SPIN1: variants seen among roughly 807,000 people sequenced by gnomAD.
The protein encoded by SPIN1 is spindlin-1.
SPIN1 carries 3 observed loss-of-function variants against 26.0 expected under a neutral mutation model. The observed-to-expected ratio is 0.12, with a 90% CI of 0.05 to 0.30. SPIN1 has a LOEUF of 0.30. SPIN1 is among the 10% of genes least tolerant of loss of function. The pLI, the probability that SPIN1 is intolerant of heterozygous loss-of-function variation, is 1.00. For missense variants in SPIN1, 126 were observed against 333.4 expected (o/e 0.38, Z 4.84); for synonymous variants, 101 against 116.5 (o/e 0.87, Z 0.86).
chr9:88,445,256 A>G (rs1165603629), intron 2 of SPIN1, among the ~76,000 whole-genome samples: 3 of 151,968 alleles, frequency 2.0e-5, no homozygotes, highest in African/African-American at 7.3e-5. Flanking sequence ...CTCTAAGCCC[A>G]GACATGCTCC....
intron 2 of SPIN1, among the ~76,000 whole-genome samples, chr9:88,427,274 A>G (rs891584168): frequency 1.3e-5 from 2 of 152,180 alleles, no homozygotes; most frequent in Non-Finnish European, 2.9e-5. Context: ...AATTATTAAT[A>G]GTACAAACTT....
intron 1 of SPIN1, among the ~76,000 whole-genome samples, chr9:88,411,663 A>G (rs1015160236): frequency 1.3e-5 from 2 of 151,960 alleles, no homozygotes; most frequent in Admixed American, 6.6e-5. Flanking sequence ...ACAGGTATGC[A>G]TCGGCATGCC....
rs1828715383 is a variant in SPIN1 at position 88,468,442 on chromosome 9, G to A, written c.426G>A (p.Glu142=). ...GCAAAGCAGTGGAACATATGTTTGA[G>A]ACAGAGGATGGTTCTAAAGATGAGT... ...MIGKAVEHMF[E]TEDGSKDEWR... Residue 142 remains glutamate, a synonymous_variant, in exon 5 of 6, where the codon GAG becomes GAA. Coordinates refer to ENST00000375859, the MANE Select transcript of SPIN1 (RefSeq NM_006717.3). The A allele has an allele frequency of 6.2e-7, 1 of 1,613,244 alleles. No homozygotes were observed. Among genetic ancestry groups the A allele is most frequent in the African/African-American group, 1.3e-5 (1 of 74,872 alleles).
intron 1 of SPIN1, among the ~76,000 whole-genome samples, chr9:88,409,698 C>T (rs562845587): frequency 1.5e-4 from 23 of 152,030 alleles, no homozygotes; most frequent in African/African-American, 5.3e-4. Flanking sequence ...ATTAGCTGGG[C>T]ATGGTGGCGG....
chr9:88,471,276 G>T (rs999929976), intron 5 of SPIN1, among the ~76,000 whole-genome samples: 3 of 151,890 alleles, frequency 2.0e-5, no homozygotes, highest in African/African-American at 4.8e-5. Flanking sequence ...TGTGGTTCAA[G>T]TTAAGGGTCC....
At chr9:88,389,181 C>T (rs1354189568) in intron 1 of SPIN1, among the ~76,000 whole-genome samples, 1 of 152,192 alleles carries the variant, frequency 6.6e-6, no homozygotes, top group Non-Finnish European at 1.5e-5. Flanking sequence ...GCCCGCGCAG[C>T]CCCTTTCCTG....
chr9:88,391,554 C>T (rs1826920030), intron 1 of SPIN1: 1 of 152,256 alleles, frequency 6.6e-6, no homozygotes, highest in African/African-American at 2.4e-5. Flanking sequence ...TTTTGCCATA[C>T]TTCCTTTCTG....
intron 1 of SPIN1, among the ~76,000 whole-genome samples, chr9:88,423,838 T>C (rs1452740344): frequency 1.3e-5 from 2 of 152,000 alleles, no homozygotes; most frequent in South Asian, 2.1e-4. Context: ...TGATCTTGGC[T>C]CACTACAACC....
At chr9:88,473,064 C>G (rs1484850504) in intron 5 of SPIN1, among the ~76,000 whole-genome samples, 2 of 152,134 alleles carry the variant, frequency 1.3e-5, no homozygotes, top group East Asian at 3.9e-4. Context: ...ATTTCCTCAT[C>G]TGGCCTTGAA....
chr9:88,430,060 CAA>C (rs1194955283), intron 2 of SPIN1, among the ~76,000 whole-genome samples: 1 of 152,212 alleles, frequency 6.6e-6, no homozygotes, highest in Non-Finnish European at 1.5e-5. Flanking sequence ...TTAGCATAGA[CAA>C]ATGCTCTGCT....
intron 1 of SPIN1, among the ~76,000 whole-genome samples, chr9:88,425,574 A>G (rs891019600): frequency 1.3e-5 from 2 of 151,180 alleles, no homozygotes; most frequent in Non-Finnish European, 2.9e-5. Context: ...GCTACTCCGG[A>G]GGCTGAGGCA....
chr9:88,408,429 G>GT (rs1268730813), intron 1 of SPIN1, among the ~76,000 whole-genome samples: 1 of 142,426 alleles, frequency 7.0e-6, no homozygotes, highest in African/African-American at 2.6e-5. Context: ...CCAGGCTGCA[G>GT]TGCAGTGGTG....
chr9:88,398,642 G>A (rs1004067126), intron 1 of SPIN1, among the ~76,000 whole-genome samples: 3 of 151,646 alleles, frequency 2.0e-5, no homozygotes, highest in African/African-American at 7.3e-5. Flanking sequence ...ATGGCGCGAT[G>A]TTGGCTCATC....
intron 5 of SPIN1, among the ~76,000 whole-genome samples, chr9:88,474,682 G>A (rs1293039991): frequency 6.6e-6 from 1 of 152,166 alleles, no homozygotes; most frequent in Non-Finnish European, 1.5e-5. Context: ...TCATTTAAGT[G>A]CAGCTACAGA....
intron 2 of SPIN1, among the ~76,000 whole-genome samples, chr9:88,442,951 C>A (rs1460306832): frequency 6.6e-6 from 1 of 151,624 alleles, no homozygotes; most frequent in Non-Finnish European, 1.5e-5. Context: ...GAAACCCTGT[C>A]TCTACTAAAA....
In SPIN1 at chr9:88,475,367, G is replaced by T; in HGVS notation, c.*90G>T. ...TTGATTGCTTTCCAGTTTAATGAAA[G>T]CTTAAATGTCCCTGCGAACCCACAA... is the stretch of plus-strand genomic sequence containing the variant. On this transcript the variant is annotated 3_prime_UTR_variant, in exon 6 of 6. Transcript: ENST00000375859. 2 of 1,354,458 alleles carry T rather than the reference G, an allele frequency of 1.5e-6. No individual in the cohort carries two copies. The highest frequency in any genetic ancestry group is 2.7e-5 in the South Asian group (2 of 73,812). The allele number at this position is 1,354,458 out of a possible 1,614,324, so 83.9% of individuals were successfully genotyped here. A position where few individuals can be genotyped will look rare whatever the true frequency, so the allele number is the denominator to read the frequency against.
At chr9:88,447,153 G>A (rs1828268676) in intron 2 of SPIN1, among the ~76,000 whole-genome samples, 1 of 152,044 alleles carries the variant, frequency 6.6e-6, no homozygotes, top group Admixed American at 6.5e-5. Flanking sequence ...ATTGCTGTGT[G>A]TCAAGGTCAC....
rs866292379 is a variant in SPIN1 at position 88,432,627 on chromosome 9, G to A, written c.52+6036G>A. Among the ~76,000 whole-genome samples, 20 of 151,536 alleles carry A rather than the reference G, an allele frequency of 1.3e-4. No homozygotes were observed. The Middle Eastern group carries it at 0.024, about 184-fold the overall frequency. The stretch of plus-strand genomic sequence containing the variant: ...GCCTCTGGAGTAACTGGGATTACAG[G>A]CGCATGCCACCATGCCCAGCTAATT... On this transcript the variant is annotated intron_variant, in intron 2 of 5. Transcript: ENST00000375859.
At chr9:88,469,123 GGT>G (rs1232838909) in intron 5 of SPIN1, among the ~76,000 whole-genome samples, 1 of 152,112 alleles carries the variant, frequency 6.6e-6, no homozygotes, top group Non-Finnish European at 1.5e-5. Context: ...TTGGGGGTTG[GGT>G]GTGGATATGG....
Sources: gnomAD v4.1 joint callset for allele counts (sites outside exome capture counted in the v4.1 genomes callset) on GRCh38, gnomAD v4.1.1 for gene constraint, MANE v1.5 for transcripts, NCBI Gene and HGNC (gene_info 2026-07-23, HGNC 2026-07-21) for gene names.